RAD51B: variants seen among roughly 807,000 people sequenced by gnomAD.
RAD51B encodes RAD51 paralog B, also known as DNA repair protein RAD51 homolog 2.
In RAD51B, 38 loss-of-function variants were observed where a neutral mutation model predicts 42.2. That is an observed-to-expected ratio of 0.90 (90% CI 0.70 to 1.18). The LOEUF (loss-of-function observed/expected upper bound fraction) is 1.18. Ranked by LOEUF, RAD51B falls within the 50% of genes most tolerant of loss-of-function variation. The probability of loss-of-function intolerance (pLI) is 0.00; values close to 1 mark genes in which losing one functional copy is unlikely to be tolerated. For missense variants in RAD51B, 373 were observed against 400.7 expected, an observed-to-expected ratio of 0.93 and a Z score of 0.59; for synonymous variants, 154 against 145.2, an observed-to-expected ratio of 1.06 and a Z score of -0.43.
intron 7 of RAD51B, among the ~76,000 whole-genome samples, chr14:68,177,403 A>C (rs2078982527): frequency 6.6e-6 from 1 of 152,196 alleles, no homozygotes; most frequent in Non-Finnish European, 1.5e-5. Flanking sequence ...GTTGCTGGCC[A>C]GTACCAGAGT....
At chr14:67,963,086 T>G (rs906804227) in intron 7 of RAD51B, among the ~76,000 whole-genome samples, 2 of 152,186 alleles carry the variant, frequency 1.3e-5, no homozygotes, top group Middle Eastern at 3.2e-3. Flanking sequence ...TTCTTCAGTT[T>G]CATTTCGGCT....
intron 8 of RAD51B, among the ~76,000 whole-genome samples, chr14:68,311,230 T>G (rs1595693046): frequency 6.6e-6 from 1 of 152,070 alleles, no homozygotes. Context: ...AGGCTTGAGG[T>G]TTTAATATAT....
chr14:67,860,309 G>T (rs1266080615), intron 4 of RAD51B, among the ~76,000 whole-genome samples: 1 of 152,116 alleles, frequency 6.6e-6, no homozygotes, highest in African/African-American at 2.4e-5. Context: ...AATACATGAA[G>T]AACTAATTTC....
chr14:68,471,088 C>T (rs560490491), intron 10 of RAD51B, among the ~76,000 whole-genome samples: 47 of 152,318 alleles, frequency 3.1e-4, no homozygotes, highest in Non-Finnish European at 5.9e-4. Context: ...TGAGGAGCTG[C>T]ACTGGCAGGT....
At chr14:68,478,942 A>C (rs1882941991), downstream of RAD51B, among the ~76,000 whole-genome samples, 1 of 152,222 alleles carries the variant, frequency 6.6e-6, no homozygotes, top group Non-Finnish European at 1.5e-5. Flanking sequence ...GAATGGGAAA[A>C]GACTTACAAA....
At chr14:68,266,944 A>G (rs1355733953) in intron 7 of RAD51B, among the ~76,000 whole-genome samples, 1 of 152,244 alleles carries the variant, frequency 6.6e-6, no homozygotes, top group Non-Finnish European at 1.5e-5. Context: ...AGTTCTATAC[A>G]TTACGCAAAA....
intron 7 of RAD51B, among the ~76,000 whole-genome samples, chr14:67,954,609 T>TA (rs2074512937): frequency 6.6e-6 from 1 of 152,188 alleles, no homozygotes; most frequent in Non-Finnish European, 1.5e-5. Flanking sequence ...GTGGGTGAAC[T>TA]AATCCAAGAA....
intron 7 of RAD51B, among the ~76,000 whole-genome samples, chr14:68,206,852 C>T (rs561202144): frequency 1.3e-5 from 2 of 149,306 alleles, no homozygotes; most frequent in African/African-American, 5.0e-5. Flanking sequence ...TGCAGTGGCG[C>T]GATCTCGGCT....
At chr14:68,410,112 A>G (rs1213783169) in intron 8 of RAD51B, among the ~76,000 whole-genome samples, 2 of 152,160 alleles carry the variant, frequency 1.3e-5, no homozygotes, top group Non-Finnish European at 1.5e-5. Flanking sequence ...ATGCTGTCCT[A>G]TGCATTATAA....
intron 7 of RAD51B, among the ~76,000 whole-genome samples, chr14:68,019,840 A>G (rs1158072146): frequency 1.3e-5 from 2 of 152,204 alleles, no homozygotes; most frequent in Admixed American, 6.5e-5. Flanking sequence ...CAGCCATTGC[A>G]TCAGTATTAC....
At chr14:68,023,501 AT>A (rs1188394700) in intron 7 of RAD51B, among the ~76,000 whole-genome samples, 1 of 151,898 alleles carries the variant, frequency 6.6e-6, no homozygotes, top group Non-Finnish European at 1.5e-5. Context: ...TAATTTTTGT[AT>A]TTTTAGTAGA....
At chr14:67,934,431 G>A (rs945387878) in intron 7 of RAD51B, among the ~76,000 whole-genome samples, 2 of 152,140 alleles carry the variant, frequency 1.3e-5, no homozygotes, top group African/African-American at 2.4e-5. Flanking sequence ...GCTCAGGAAA[G>A]TGGTATTTAT....
intron 10 of RAD51B, among the ~76,000 whole-genome samples, chr14:68,547,370 C>T (rs1020658065): frequency 1.3e-5 from 2 of 152,218 alleles, no homozygotes. Context: ...CTTTCACTTC[C>T]TGTCGGCACG....
chr14:68,364,440 G>A (rs1388332833), intron 8 of RAD51B, among the ~76,000 whole-genome samples: 1 of 152,124 alleles, frequency 6.6e-6, no homozygotes, highest in Non-Finnish European at 1.5e-5. Flanking sequence ...AGACTCCTGG[G>A]GCCGGCAAGC....
intron 7 of RAD51B, among the ~76,000 whole-genome samples, chr14:68,054,471 A>G (rs981327999): frequency 4.6e-5 from 7 of 152,114 alleles, no homozygotes; most frequent in South Asian, 4.1e-4. Flanking sequence ...GATAACTACA[A>G]TTTCCTTTCA....
chr14:68,521,709 C>T (rs1886595024), intron 10 of RAD51B, among the ~76,000 whole-genome samples: 1 of 152,196 alleles, frequency 6.6e-6, no homozygotes, highest in Non-Finnish European at 1.5e-5. Context: ...TTCTAGCTTC[C>T]CTGCACTGTT....
intron 8 of RAD51B, among the ~76,000 whole-genome samples, chr14:68,367,204 A>G (rs1163727686): frequency 6.6e-6 from 1 of 152,234 alleles, no homozygotes; most frequent in Non-Finnish European, 1.5e-5. Context: ...GCCACTTAAT[A>G]AAACTGTTCA....
rs1487066398 is a variant in RAD51B, at chr14:68,363,425, A to C, written c.854-47999A>C. ...AGATAAACTGTATGATATATCTGTTAATATATCATGTTTTATTTTCAGTGT... is the reference window on the plus strand; with the variant it reads ...AGATAAACTGTATGATATATCTGTTCATATATCATGTTTTATTTTCAGTGT... On this transcript the variant is annotated intron_variant, in intron 8 of 10. Coordinates refer to ENST00000471583, the MANE Select transcript of RAD51B (RefSeq NM_133510.4). Among the ~76,000 whole-genome samples, 3 of 152,212 alleles carry C rather than the reference A, an allele frequency of 2.0e-5. No individual in the cohort carries two copies. The East Asian group carries it at 5.8e-4, about 29-fold the overall frequency.
chr14:67,931,110 A>G (rs1434673247), intron 7 of RAD51B, among the ~76,000 whole-genome samples: 1 of 151,808 alleles, frequency 6.6e-6, no homozygotes, highest in Non-Finnish European at 1.5e-5. Flanking sequence ...TTTATTAGAG[A>G]CAGGGTTTCA....
Sources: allele counts gnomAD v4.1 joint callset (sites outside exome capture counted in the v4.1 genomes callset), GRCh38; gene constraint gnomAD v4.1.1; transcripts MANE v1.5; gene names NCBI Gene and HGNC (gene_info 2026-07-23, HGNC 2026-07-21).